CFAP52: variants seen among roughly 807,000 people sequenced by gnomAD.
CFAP52 encodes cilia- and flagella-associated protein 52.
A neutral mutation model predicts 70.5 loss-of-function variants in CFAP52; 57 were observed. That is an observed-to-expected ratio of 0.81 (90% CI 0.65 to 1.01). The LOEUF (loss-of-function observed/expected upper bound fraction) is 1.01. CFAP52 is among the 50% of genes least tolerant of loss of function. The pLI, the probability that CFAP52 is intolerant of heterozygous loss-of-function variation, is 0.00. For synonymous variants in CFAP52, 267 were observed against 292.5 expected (o/e 0.91, Z 0.89); for missense variants, 785 against 788.5 (o/e 1.00, Z 0.05).
intron 1 of CFAP52, among the ~76,000 whole-genome samples, chr17:9,580,285 A>G (rs1283554939): frequency 1.3e-5 from 2 of 151,246 alleles, no homozygotes; most frequent in East Asian, 1.9e-4. Context: ...TATTGCCCAC[A>G]AAGCCTAAAA....
At chr17:9,584,466 T>C (rs535311443) in intron 1 of CFAP52, 6 of 916,986 alleles carry the variant, frequency 6.5e-6, no homozygotes, top group African/African-American at 3.5e-5. Flanking sequence ...CAATTTAAAG[T>C]GTATAACACA....
chr17:9,605,092 C>T (rs1460226715), intron 6 of CFAP52, among the ~76,000 whole-genome samples: 1 of 152,176 alleles, frequency 6.6e-6, no homozygotes, highest in Non-Finnish European at 1.5e-5. Flanking sequence ...GCACTCCTTG[C>T]TATTTACCCA....
At chr17:9,635,133 C>A (rs1478393608) in intron 10 of CFAP52, among the ~76,000 whole-genome samples, 2 of 152,074 alleles carry the variant, frequency 1.3e-5, no homozygotes, top group African/African-American at 2.4e-5. Context: ...ATTTGCATAG[C>A]AGGTGTCTGA....
chr17:9,592,325 G>C (rs544533550), intron 3 of CFAP52, among the ~76,000 whole-genome samples: 72 of 152,120 alleles, frequency 4.7e-4, no homozygotes, highest in African/African-American at 1.6e-3. Flanking sequence ...AATTAGCTGG[G>C]CGTGGTGGTG....
In CFAP52 at chr17:9,608,203, G is replaced by C. The variant is rs1909575323; in HGVS notation, c.838G>C (p.Gly280Arg). 1.2e-6 allele frequency: 2 copies of C among 1,608,598 alleles called. No individual in the cohort carries two copies. The highest frequency in any genetic ancestry group is 2.7e-5 in the African/African-American group (2 of 74,850). ...ACTGCTGGTCTTCTGTAAAAGCCCT[G>C]GCTACAAACCCATCAAGTAAGTTCC... ...AGLLVFCKSP[G>R]YKPIKKIQLQ... is the part of the protein sequence containing the mutation. Residue 280 changes from glycine to arginine, a missense_variant, in exon 7 of 14, where the codon GGC becomes CGC. Physicochemically the swap from Gly to Arg is moderately radical, Grantham distance 125 (BLOSUM62 -2). Transcript: ENST00000352665.
At chr17:9,632,064 C>T (rs189529150) in intron 9 of CFAP52, among the ~76,000 whole-genome samples, 310 of 146,286 alleles carry the variant, frequency 2.1e-3, no homozygotes, top group African/African-American at 7.7e-3. Flanking sequence ...TGAGCCACTG[C>T]GCCCAGCCTC....
At chr17:9,584,192 C>T in intron 1 of CFAP52, 1 of 1,226,546 alleles carries the variant, frequency 8.2e-7, no homozygotes, top group South Asian at 1.5e-5. Context: ...GTCCTGTTCT[C>T]CTGAAACTGT....
chr17:9,610,927 G>C (rs1198143222), intron 7 of CFAP52, among the ~76,000 whole-genome samples: 1 of 152,142 alleles, frequency 6.6e-6, no homozygotes, highest in Non-Finnish European at 1.5e-5. Context: ...TCATCTGTGG[G>C]CTAGCAACAG....
chr17:9,599,081 G>T (rs372859730), intron 5 of CFAP52, among the ~76,000 whole-genome samples: 7 of 152,296 alleles, frequency 4.6e-5, no homozygotes, highest in African/African-American at 1.7e-4. Flanking sequence ...TATTCAGGTT[G>T]CATATTCCTT....
At chr17:9,600,242 C>CTT in intron 6 of CFAP52, 59 bp downstream of exon 6, 15 of 1,311,540 alleles carry the variant, frequency 1.1e-5, no homozygotes, top group Non-Finnish European at 1.4e-5. Context: ...GCAGCATGTA[C>CTT]TTTTTTTTTT....
intron 3 of CFAP52, among the ~76,000 whole-genome samples, chr17:9,589,388 T>A (rs1908640120): frequency 6.6e-6 from 1 of 152,194 alleles, no homozygotes; most frequent in Non-Finnish European, 1.5e-5. Context: ...TTCTTGTCAT[T>A]CACAAGTGGT....
downstream of CFAP52, chr17:9,643,542 A>G (rs1448722662): frequency 6.0e-6 from 1 of 166,746 alleles, no homozygotes; most frequent in Non-Finnish European, 1.3e-5. Flanking sequence ...CTCTAAAAAT[A>G]AGGTGAGGTG....
At chr17:9,577,029 C>CTCT (rs1907980781) in intron 1 of CFAP52, among the ~76,000 whole-genome samples, 1 of 152,214 alleles carries the variant, frequency 6.6e-6, no homozygotes, top group Non-Finnish European at 1.5e-5. Flanking sequence ...GACCAAATGC[C>CTCT]TCTTCCCCAG....
intron 8 of CFAP52, among the ~76,000 whole-genome samples, chr17:9,626,464 A>T (rs1910238035): frequency 6.6e-6 from 1 of 152,180 alleles, no homozygotes; most frequent in Admixed American, 6.5e-5. Context: ...TCCTGACCTC[A>T]GGTGATCCAC....
rs761321931 is a variant in CFAP52, at chr17:9,608,187, C to T, written c.822C>T (p.Val274=). The change falls in exon 7 of 14, where the codon GTC becomes GTT. Residue 274 remains valine, a synonymous_variant. Transcript: ENST00000352665. The stretch of plus-strand genomic sequence containing the variant: ...TGGGCTCTGGAGCCGGACTGCTGGT[C>T]TTCTGTAAAAGCCCTGGCTACAAAC... The part of the protein sequence containing the change: ...LLVGSGAGLL[V]FCKSPGYKPI... 6.2e-7 allele frequency: 1 copy of T among 1,611,780 alleles called. No individual in the cohort carries two copies. Among genetic ancestry groups the T allele is most frequent in the South Asian group, 1.1e-5 (1 of 90,726 alleles).
intron 10 of CFAP52, 151 bp downstream of exon 10, chr17:9,633,184 A>C: frequency 1.1e-5 from 11 of 957,330 alleles, no homozygotes; most frequent in Non-Finnish European, 1.6e-5. Flanking sequence ...ATATGTCATA[A>C]ATAAAAGTTC....
intron 1 of CFAP52, chr17:9,584,315 A>C: frequency 7.8e-7 from 1 of 1,290,114 alleles, no homozygotes; most frequent in Non-Finnish European, 1.0e-6. Flanking sequence ...GGAGTACGGG[A>C]GTTGCCTGTG....
At chr17:9,614,254 C>A (rs560692915) in intron 8 of CFAP52, among the ~76,000 whole-genome samples, 5 of 149,748 alleles carry the variant, frequency 3.3e-5, no homozygotes, top group African/African-American at 1.2e-4. Flanking sequence ...CTCCCAGGTT[C>A]AAGCAATTCT....
At chr17:9,589,953 G>C (rs1459311819) in intron 3 of CFAP52, 1 of 155,316 alleles carries the variant, frequency 6.4e-6, no homozygotes, top group Non-Finnish European at 1.4e-5. Flanking sequence ...CTCCTTCTTG[G>C]CCCGGAGGTG....
Sources: gnomAD v4.1 joint callset for allele counts (sites outside exome capture counted in the v4.1 genomes callset) on GRCh38, gnomAD v4.1.1 for gene constraint, MANE v1.5 for transcripts, NCBI Gene and HGNC (gene_info 2026-07-23, HGNC 2026-07-21) for gene names.